The following SLC35D2 variants were observed in gnomAD, a reference collection of about 807,000 sequenced individuals.
SLC35D2 encodes nucleotide sugar transporter SLC35D2.
In SLC35D2, 43 loss-of-function variants were observed where a neutral mutation model predicts 41.8. That is an observed-to-expected ratio of 1.03 (90% CI 0.81 to 1.33). SLC35D2 has a LOEUF of 1.33. SLC35D2 is among the 40% of genes most tolerant of loss of function. The probability of loss-of-function intolerance (pLI) is 0.00; values close to 1 mark genes in which losing one functional copy is unlikely to be tolerated. For missense variants in SLC35D2, 380 were observed against 408.4 expected (o/e 0.93, Z 0.60); for synonymous variants, 150 against 163.9 (o/e 0.92, Z 0.65).
intron 5 of SLC35D2, 64 bp from the exon 6 acceptor site, chr9:96,351,235 T>C: frequency 8.4e-7 from 1 of 1,186,120 alleles, no homozygotes; most frequent in Non-Finnish European, 1.2e-6. Flanking sequence ...AATATGATTA[T>C]ATTTTTTAAA....
chr9:96,348,129 A>G (rs747834947), intron 6 of SLC35D2, among the ~76,000 whole-genome samples: 6 of 152,290 alleles, frequency 3.9e-5, no homozygotes, highest in Non-Finnish European at 7.3e-5. Flanking sequence ...TTTCTTCCAC[A>G]AGATCCAAGA....
chr9:96,374,821 G>C (rs971532509), intron 1 of SLC35D2, among the ~76,000 whole-genome samples: 9 of 146,366 alleles, frequency 6.1e-5, no homozygotes, highest in African/African-American at 2.3e-4. Context: ...CTGCGCAAAA[G>C]AGCAAGAGCG....
At chr9:96,377,549 A>T (rs746231033) in intron 1 of SLC35D2, among the ~76,000 whole-genome samples, 5 of 152,224 alleles carry the variant, frequency 3.3e-5, no homozygotes, top group African/African-American at 1.2e-4. Context: ...TCCAAAGATC[A>T]CCCAGATTGT....
At chr9:96,364,664 C>A in intron 2 of SLC35D2, 114 bp from the exon 3 acceptor site, 1 of 723,814 alleles carries the variant, frequency 1.4e-6, no homozygotes, top group East Asian at 2.5e-5. Flanking sequence ...GCAAAAAATT[C>A]ATTTTCTAGG....
intron 7 of SLC35D2, among the ~76,000 whole-genome samples, chr9:96,344,711 T>TG (rs1829497473): frequency 2.6e-4 from 1 of 3,778 alleles, no homozygotes; most frequent in Non-Finnish European, 6.1e-4. Context: ...TTGTAACAGC[T>TG]GGGGGTGGGG....
Position 96,367,777 on chromosome 9 carries a change from C to T in SLC35D2, c.192+495G>A, listed in dbSNP as rs927454365. Among the ~76,000 whole-genome samples the T allele has an allele frequency of 1.3e-4, 20 of 150,456 alleles. No individual in the cohort carries two copies. In the South Asian group the frequency reaches 1.5e-3, roughly 11 times the overall value. ...AGTCTGGGCGACAAGAACAAAACTC[C>T]GTCTCAAAAAAAAAAAAAAATTCAA... On this transcript the variant is annotated intron_variant, in intron 2 of 11. Transcript: ENST00000253270.
chr9:96,316,671 A>T (rs1828060624), downstream of SLC35D2, among the ~76,000 whole-genome samples: 1 of 152,146 alleles, frequency 6.6e-6, no homozygotes, highest in Non-Finnish European at 1.5e-5. Flanking sequence ...TTGCAGACAA[A>T]AGCCTCAGGG....
intron 4 of SLC35D2, among the ~76,000 whole-genome samples, chr9:96,356,658 C>T (rs946487355): frequency 4.6e-5 from 7 of 151,830 alleles, no homozygotes; most frequent in African/African-American, 4.8e-5. Flanking sequence ...CCCGTGGGCC[C>T]AGGAGTTCGA....
rs917214030 is a variant in SLC35D2 at position 96,373,085 on chromosome 9, A to C, written c.159-4780T>G. ...TGGCTAATTTTTGTATATTTAGTAG[A>C]GATTGGGTTTCACCATGTTGACCAA... is the stretch of plus-strand genomic sequence containing the variant. On this transcript the variant is annotated intron_variant, in intron 1 of 11. Transcript: ENST00000253270. Among the ~76,000 whole-genome samples the C allele has an allele frequency of 6.6e-5, 10 of 151,800 alleles. No homozygotes were observed. The East Asian group carries it at 2.0e-3, about 30-fold the overall frequency.
At chr9:96,363,539 C>G (rs1830363787) in intron 3 of SLC35D2, among the ~76,000 whole-genome samples, 1 of 152,178 alleles carries the variant, frequency 6.6e-6, no homozygotes, top group Non-Finnish European at 1.5e-5. Flanking sequence ...TGTCTGGAAC[C>G]CAGCAACTGT....
At chr9:96,382,494 CACTATA>C (rs1831240328) in intron 1 of SLC35D2, among the ~76,000 whole-genome samples, 3 of 143,726 alleles carry the variant, frequency 2.1e-5, no homozygotes, top group African/African-American at 8.2e-5. Flanking sequence ...CACACACACA[CACTATA>C]TATATATATA....
chr9:96,321,019 G>T lies in SLC35D2; in HGVS notation c.*223C>A. On this transcript the variant is annotated 3_prime_UTR_variant, in exon 12 of 12. Transcript: ENST00000253270. ...CTACCGAGTCCCAGTGGCTTATTTT[G>T]AAAAGATTTGCTTTCCACAGGTAAG... 2.2e-6 allele frequency: 1 copy of T among 453,162 alleles called. No homozygotes were observed. The highest frequency in any genetic ancestry group is 4.0e-6 in the Non-Finnish European group (1 of 253,132). The allele number at this position is 453,162 out of a possible 1,614,324, so 28.1% of individuals were successfully genotyped here. A position where few individuals can be genotyped will look rare whatever the true frequency, so the allele number is the denominator to read the frequency against.
chr9:96,358,080 T>TATATA (rs1554715405), intron 4 of SLC35D2, among the ~76,000 whole-genome samples: 1,368 of 122,594 alleles, frequency 0.011, 40 homozygotes, highest in Middle Eastern at 0.016. Flanking sequence ...ATTATATATT[T>TATATA]TATATATATA....
chr9:96,364,366 G>A, intron 3 of SLC35D2, 98 bp downstream of exon 3: 1 of 764,802 alleles, frequency 1.3e-6, no homozygotes, highest in Non-Finnish European at 2.2e-6. Context: ...TCCAGTGCAG[G>A]CAGGAAGTAC....
chr9:96,340,986 A>G (rs1829298979), intron 8 of SLC35D2, among the ~76,000 whole-genome samples: 1 of 152,110 alleles, frequency 6.6e-6, no homozygotes, highest in African/African-American at 2.4e-5. Context: ...GAGCATTAGG[A>G]TTTAATAAAG....
At chr9:96,338,796 G>A (rs1399005115) in intron 8 of SLC35D2, among the ~76,000 whole-genome samples, 3 of 151,938 alleles carry the variant, frequency 2.0e-5, no homozygotes, top group East Asian at 3.9e-4. Context: ...AAGAATTAAA[G>A]CCAAAAAGTT....
At chr9:96,342,504 A>C (rs1829377277) in intron 8 of SLC35D2, among the ~76,000 whole-genome samples, 1 of 152,146 alleles carries the variant, frequency 6.6e-6, no homozygotes, top group Non-Finnish European at 1.5e-5. Flanking sequence ...TAGCTGAAAA[A>C]CAAATACTGT....
At chr9:96,373,693 A>C (rs1830810650) in intron 1 of SLC35D2, among the ~76,000 whole-genome samples, 2 of 151,968 alleles carry the variant, frequency 1.3e-5, no homozygotes. Context: ...CTCAAAAAAA[A>C]AAAAAAAAAC....
At chr9:96,375,658 T>C (rs1830913905) in intron 1 of SLC35D2, among the ~76,000 whole-genome samples, 1 of 152,188 alleles carries the variant, frequency 6.6e-6, no homozygotes, top group African/African-American at 2.4e-5. Context: ...CCCAATGTTT[T>C]AACTGAGTTC....
Sources: gnomAD v4.1 joint callset for allele counts (sites outside exome capture counted in the v4.1 genomes callset) on GRCh38, gnomAD v4.1.1 for gene constraint, MANE v1.5 for transcripts, NCBI Gene and HGNC (gene_info 2026-07-23, HGNC 2026-07-21) for gene names.